The following PCDH19 variants were observed in gnomAD, a reference collection of about 807,000 sequenced individuals.
The protein encoded by PCDH19 is protocadherin-19.
A neutral mutation model predicts 46.2 loss-of-function variants in PCDH19; 6 were observed. The ratio of observed to expected loss-of-function variants is 0.13; its 90% CI spans 0.07 to 0.26. PCDH19 has a LOEUF of 0.26. Ranked by LOEUF, PCDH19 falls within the 10% of genes least tolerant of loss-of-function variation. The probability of loss-of-function intolerance (pLI) is 1.00; values close to 1 mark genes in which losing one functional copy is unlikely to be tolerated. For synonymous variants in PCDH19, 481 were observed against 415.7 expected, an observed-to-expected ratio of 1.16 and a Z score of -1.91; for missense variants, 740 against 972.3, an observed-to-expected ratio of 0.76 and a Z score of 3.18.
At chrX:100,379,818 A>G (rs992480180) in intron 3 of PCDH19, among the ~76,000 whole-genome samples, 14 of 111,798 alleles carry the variant, frequency 1.3e-4, no homozygotes, top group Non-Finnish European at 3.8e-5. Flanking sequence ...ATTCTATGTT[A>G]TAAATGTGAC....
Position 100,370,855 on chromosome X carries a change from A to G in PCDH19, c.2617-20151T>C, listed in dbSNP as rs753778020. Among the ~76,000 whole-genome samples, 10 of 111,396 alleles carry G rather than the reference A, an allele frequency of 9.0e-5. No individual in the cohort carries two copies. The East Asian group carries it at 2.8e-3, about 31-fold the overall frequency. On this transcript the variant is annotated intron_variant, in intron 3 of 5. Transcript: ENST00000373034. ...GCACAATGAAAGGACAAGAAAAAAC[A>G]AATAGGTACTCTGCTCTAAAAATCA...
chrX:100,381,922 C>A (rs768678652), intron 3 of PCDH19, among the ~76,000 whole-genome samples: 6 of 111,326 alleles, frequency 5.4e-5, no homozygotes, highest in Admixed American at 9.6e-5. Flanking sequence ...ACAGCCACTA[C>A]AAATTCAAAG....
At chrX:100,301,552 G>A (rs1215790135) in intron 5 of PCDH19, among the ~76,000 whole-genome samples, 1 of 112,185 alleles carries the variant, frequency 8.9e-6, no homozygotes, top group Non-Finnish European at 1.9e-5. Context: ...CAACAAGCAA[G>A]TGATGTGTAT....
chrX:100,347,470 G>A (rs763704588), intron 4 of PCDH19, among the ~76,000 whole-genome samples: 17 of 111,615 alleles, frequency 1.5e-4, no homozygotes, highest in South Asian at 7.6e-4. Context: ...TTCACTAACC[G>A]TGCCCAAGCC....
chrX:100,408,416 A>C lies in PCDH19; in HGVS notation c.182T>G (p.Phe61Cys). 2 of 1,207,090 alleles carry C rather than the reference A, an allele frequency of 1.7e-6. No individual in the cohort carries two copies. The highest frequency in any genetic ancestry group is 2.2e-6 in the Non-Finnish European group (2 of 894,478). Residue 61 changes from phenylalanine (F) to cysteine (C), a missense_variant, in exon 1 of 6, where the codon TTT becomes TGT. By Grantham distance (205) the Phe-to-Cys change is radical. This residue lies in a region of PCDH19 where 81 missense variants were observed against 96.5 expected (regional missense o/e 0.84). Transcript: ENST00000373034. Reference protein sequence around the residue: ...FALDPRQASAFRVVSNSAPHL... With the variant: ...FALDPRQASACRVVSNSAPHL... ...TGGAGCCGAGTTGGACACCACGCGA[A>C]AGGCTGAAGCCTGCCGGGGGTCCAG...
At chrX:100,318,107 G>C (rs1242352266) in intron 5 of PCDH19, among the ~76,000 whole-genome samples, 2 of 111,916 alleles carry the variant, frequency 1.8e-5, no homozygotes, top group Non-Finnish European at 3.8e-5. Context: ...GTGTACATGT[G>C]AAAAAGGTAC....
chrX:100,312,794 C>T (rs764785070), intron 5 of PCDH19, among the ~76,000 whole-genome samples: 1 of 111,540 alleles, frequency 9.0e-6, no homozygotes, highest in East Asian at 2.8e-4. Context: ...AAAGGCTCTT[C>T]CATCTGAAGT....
intron 3 of PCDH19, among the ~76,000 whole-genome samples, chrX:100,383,111 G>C (rs969451101): frequency 8.0e-5 from 9 of 112,372 alleles, no homozygotes; most frequent in African/African-American, 2.9e-4. Flanking sequence ...GCACAAATTA[G>C]ATATTTTCCT....
At chrX:100,374,362 T>C (rs1260788949) in intron 3 of PCDH19, among the ~76,000 whole-genome samples, 1 of 112,089 alleles carries the variant, frequency 8.9e-6, no homozygotes, top group African/African-American at 3.2e-5. Flanking sequence ...CTAAACAATT[T>C]ATGAATGATG....
At chrX:100,325,657 C>T (rs1189745758) in intron 5 of PCDH19, among the ~76,000 whole-genome samples, 1 of 112,157 alleles carries the variant, frequency 8.9e-6, no homozygotes, top group African/African-American at 3.2e-5. Flanking sequence ...CGTGAGCCAC[C>T]GCGCCCGGCC....
At chrX:100,357,473 AT>A (rs1602604669) in intron 3 of PCDH19, among the ~76,000 whole-genome samples, 1 of 111,455 alleles carries the variant, frequency 9.0e-6, no homozygotes, top group African/African-American at 3.3e-5. Flanking sequence ...ACCTTGTGTC[AT>A]TTTTTTCTCA....
At chrX:100,404,661 T>C (rs1449284681) in intron 1 of PCDH19, among the ~76,000 whole-genome samples, 1 of 108,736 alleles carries the variant, frequency 9.2e-6, no homozygotes, top group African/African-American at 3.4e-5. Context: ...TTTAATCATC[T>C]CCTTGGCAAG....
chrX:100,353,566 A>G (rs1379248732), intron 3 of PCDH19, among the ~76,000 whole-genome samples: 1 of 111,575 alleles, frequency 9.0e-6, no homozygotes, highest in Non-Finnish European at 1.9e-5. Flanking sequence ...CATCATGAGG[A>G]TTCCCACTCC....
At chrX:100,390,923 C>A (rs1927843184) in intron 3 of PCDH19, among the ~76,000 whole-genome samples, 1 of 111,867 alleles carries the variant, frequency 8.9e-6, no homozygotes, top group Middle Eastern at 4.2e-3. Flanking sequence ...GAATGACAAT[C>A]AGTGAAATAT....
intron 5 of PCDH19, among the ~76,000 whole-genome samples, chrX:100,330,916 T>C (rs1925853627): frequency 2.7e-5 from 3 of 112,503 alleles, no homozygotes; most frequent in Admixed American, 9.4e-5. Flanking sequence ...GAAGTACAAC[T>C]ATTGTTTCTG....
chrX:100,335,894 GGTT>G (rs1448842581), intron 5 of PCDH19, among the ~76,000 whole-genome samples: 2 of 111,422 alleles, frequency 1.8e-5, no homozygotes, highest in Non-Finnish European at 3.8e-5. Flanking sequence ...CACATTCCTG[GGTT>G]CAAGTAATTA....
At chrX:100,383,250 T>A (rs1776824223) in intron 3 of PCDH19, among the ~76,000 whole-genome samples, 1 of 112,539 alleles carries the variant, frequency 8.9e-6, no homozygotes. Context: ...ACTCTTATTT[T>A]ACAGATAAGA....
chrX:100,371,869 CACA>C, intron 3 of PCDH19, among the ~76,000 whole-genome samples: 1 of 106,918 alleles, frequency 9.4e-6, no homozygotes, highest in East Asian at 2.9e-4. Context: ...CACACACACA[CACA>C]CACACACACA....
intron 3 of PCDH19, among the ~76,000 whole-genome samples, chrX:100,357,418 G>C (rs779349419): frequency 8.9e-6 from 1 of 111,741 alleles, no homozygotes; most frequent in South Asian, 3.8e-4. Context: ...CTTAGAAATA[G>C]CCCATATTAT....
Sources: allele counts gnomAD v4.1 joint callset (sites outside exome capture counted in the v4.1 genomes callset), GRCh38; gene constraint gnomAD v4.1.1; regional missense constraint gnomAD v4.1.1; transcripts MANE v1.5; gene names NCBI Gene and HGNC (gene_info 2026-07-23, HGNC 2026-07-21).